MCM3AP: variants seen among roughly 807,000 people sequenced by gnomAD.
MCM3AP encodes minichromosome maintenance complex component 3 associated protein.
In MCM3AP, 126 loss-of-function variants were observed where a neutral mutation model predicts 184.1. The ratio of observed to expected loss-of-function variants is 0.68; its 90% confidence interval spans 0.59 to 0.79. The LOEUF is 0.79. MCM3AP is among the 30% of genes least tolerant of loss of function. The pLI is 0.00. For missense variants in MCM3AP, 2,496 were observed against 2,479.2 expected, an observed-to-expected ratio of 1.01 and a Z score of -0.14; for synonymous variants, 1,002 against 979.3, an observed-to-expected ratio of 1.02 and a Z score of -0.43.
intron 22 of MCM3AP, 85 bp downstream of exon 22, chr21:46,246,222 C>A: frequency 2.4e-6 from 2 of 818,106 alleles, no homozygotes; most frequent in Non-Finnish European, 2.1e-6. Flanking sequence ...ACAATGCAAA[C>A]GCTAATATAC....
chr21:46,238,808 A>G (rs142050653), intron 26 of MCM3AP, among the ~76,000 whole-genome samples: 16 of 152,360 alleles, frequency 1.1e-4, no homozygotes, highest in African/African-American at 3.4e-4. Context: ...ATATTCATTA[A>G]GCCTCCTCCA....
Position 46,285,076 on chromosome 21 carries a change from G to C in MCM3AP, c.211C>G (p.Gln71Glu). 1 of 1,614,194 alleles carries C rather than the reference G, an allele frequency of 6.2e-7. No individual in the cohort carries two copies. The highest frequency in any genetic ancestry group is 8.5e-7 in the Non-Finnish European group (1 of 1,180,030). Residue 71 changes from glutamine (Q) to glutamate (E), a missense_variant, in exon 1 of 28, where the codon CAA becomes GAA. By Grantham distance (29) the Gln-to-Glu change is conservative. Transcript: ENST00000291688. ...GAGGTTTGGGTGAACCCTAATGTTTGCACTGAAGAGGAATGACTTACTCCA... is the reference window on the plus strand; with the variant it reads ...GAGGTTTGGGTGAACCCTAATGTTTCCACTGAAGAGGAATGACTTACTCCA... ...SSGVSHSSSVQTLGFTQTSSV... is the reference protein window; with the variant it reads ...SSGVSHSSSVETLGFTQTSSV...
chr21:46,255,391 G>A (rs2080934856), intron 17 of MCM3AP, among the ~76,000 whole-genome samples: 1 of 152,070 alleles, frequency 6.6e-6, no homozygotes, highest in African/African-American at 2.4e-5. Flanking sequence ...GCCGCCGAGA[G>A]GCAACGCCAC....
At chr21:46,266,876 T>A (rs1044750870) in intron 10 of MCM3AP, 106 bp downstream of exon 10, 1 of 1,225,048 alleles carries the variant, frequency 8.2e-7, no homozygotes. Context: ...GCAGAGGGAA[T>A]GCACCTTCTT....
chr21:46,235,258 G>A lies in MCM3AP; in HGVS notation c.*10C>T. 2 of 1,614,054 alleles carry A rather than the reference G, an allele frequency of 1.2e-6. No individual in the cohort carries two copies. Among genetic ancestry groups the A allele is most frequent in the Non-Finnish European group, 8.5e-7 (1 of 1,179,940 alleles). On this transcript the variant is annotated 3_prime_UTR_variant, in exon 28 of 28. Transcript: ENST00000291688. ...TTCGGGAGAGACCCCCTCCCCACAG[G>A]TCAGGCTGCTCAAATGTCCACCATG...
At chr21:46,248,715 A>C (rs1256760803) in intron 20 of MCM3AP, among the ~76,000 whole-genome samples, 3 of 152,196 alleles carry the variant, frequency 2.0e-5, no homozygotes, top group Non-Finnish European at 4.4e-5. Context: ...ATGCATCCAA[A>C]AAATAAGATG....
rs775813374 is a variant in MCM3AP at position 46,284,594 on chromosome 21, T to C, written c.693A>G (p.Val231=). The C allele has an allele frequency of 1.2e-6, 2 of 1,614,100 alleles. No individual in the cohort carries two copies. Among genetic ancestry groups the C allele is most frequent in the African/African-American group, 2.7e-5 (2 of 74,942 alleles). Residue 231 remains valine, a synonymous_variant, in exon 1 of 28, where the codon GTA becomes GTG. Transcript: ENST00000291688. The stretch of plus-strand genomic sequence containing the variant: ...ACTTAGGTCCTCTCTTCTCTTCCTC[T>C]ACATTTTGGTTTGACAAAGCAGGGG... The part of the protein sequence containing the change: ...AFTPALSNQN[V]EEEKRGPKSI...
chr21:46,267,184 CCAGT>C (rs1251948368), intron 9 of MCM3AP, 42 bp from the exon 10 acceptor site: 2 of 1,585,770 alleles, frequency 1.3e-6, no homozygotes, highest in East Asian at 4.6e-5. Flanking sequence ...AGACGAAGGC[CCAGT>C]CAGACACATG....
At chr21:46,264,306 C>A (rs1210589245) in intron 12 of MCM3AP, 89 bp from the exon 13 acceptor site, 5 of 781,988 alleles carry the variant, frequency 6.4e-6, no homozygotes, top group Non-Finnish European at 1.0e-5. Flanking sequence ...AGTCTGCAGG[C>A]GTCTCGTGAC....
intron 25 of MCM3AP, 34 bp from the exon 26 acceptor site, chr21:46,241,051 A>G (rs2080654807): frequency 6.8e-7 from 1 of 1,475,872 alleles, no homozygotes; most frequent in South Asian, 1.1e-5. Context: ...TTTATGGTCA[A>G]GAGAAAATAT....
chr21:46,284,764 A>T lies in MCM3AP; in HGVS notation c.523T>A (p.Phe175Ile), dbSNP rs779889740. 1.9e-5 allele frequency: 30 copies of T among 1,613,536 alleles called. No individual in the cohort carries two copies. The highest frequency in any genetic ancestry group is 2.3e-5 in the Non-Finnish European group (27 of 1,179,930). The change falls in exon 1 of 28, where the codon TTT becomes ATT. Residue 175 changes from phenylalanine (F) to isoleucine (I), a missense_variant. Coordinates refer to ENST00000291688, the MANE Select transcript of MCM3AP (RefSeq NM_003906.5). ...CTAATTGGGTGGGAAAATGTAAAAA[A>T]CCCAGAAGCAATTTGGCTCTGGGTT... ...EKTQSQIASG[F>I]FTFSHPISSA... is the part of the protein sequence containing the mutation.
rs971259120 is a variant in MCM3AP, at chr21:46,243,577, T to C, written c.5184A>G (p.Pro1728=). ...YCRWKSKSPS[P]VHGAGPSVME... ...TGACCGAGGGGCCTGCCCCATGGAC[T>C]GGGGAGGGACTCTTGCTCTTCCACC... The change falls in exon 24 of 28, where the codon CCA becomes CCG. Residue 1728 remains proline, a synonymous_variant. Transcript: ENST00000291688. The C allele has an allele frequency of 2.5e-6, 4 of 1,614,222 alleles. No homozygotes were observed. The highest frequency in any genetic ancestry group is 3.4e-6 in the Non-Finnish European group (4 of 1,180,040).
chr21:46,243,496 GTC>G lies in MCM3AP; in HGVS notation c.5263_5264del (p.Asp1755LeufsTer15). On this transcript the variant is annotated frameshift_variant, in exon 24 of 28. Coordinates refer to ENST00000291688, the MANE Select transcript of MCM3AP (RefSeq NM_003906.5). LOFTEE classifies it high-confidence loss of function. ...IALCINHKLR[D>X]WTPPRLPVTS... ...TAACAGGAAGCCGGGGGGGCGTCCA[GTC>G]TCTCAGCTTGTGGTTGATACACAAG... The G allele has an allele frequency of 8.1e-6, 13 of 1,613,152 alleles. No homozygotes were observed. The highest frequency in any genetic ancestry group is 1.1e-5 in the Non-Finnish European group (13 of 1,179,242).
In MCM3AP at chr21:46,243,467, G is replaced by C. The variant is rs1358698044; in HGVS notation, c.5294C>G (p.Ser1765Ter). ...DWTPPRLPVT[S>*]EALSEDGQIC... ...CCATTGCATCAAGCTCTAATTACCTGATGTAACAGGAAGCCGGGGGGGCGT... is the reference window on the plus strand; with the variant it reads ...CCATTGCATCAAGCTCTAATTACCTCATGTAACAGGAAGCCGGGGGGGCGT... The change falls in exon 24 of 28, where the codon TCA becomes TGA. Residue 1765 changes from serine to a stop codon, truncating the protein, a stop_gained and splice_region_variant. Coordinates refer to ENST00000291688, the MANE Select transcript of MCM3AP (RefSeq NM_003906.5). LOFTEE classifies it high-confidence loss of function. 1 of 1,606,198 alleles carries C rather than the reference G, an allele frequency of 6.2e-7. No homozygotes were observed. The highest frequency in any genetic ancestry group is 1.1e-5 in the South Asian group (1 of 89,852).
chr21:46,246,693 G>C lies in MCM3AP; in HGVS notation c.4484C>G (p.Ala1495Gly). Residue 1495 changes from alanine (A) to glycine (G), a missense_variant, in exon 21 of 28, where the codon GCG becomes GGG. Around this residue, in one of 5 missense-constraint regions of MCM3AP, gnomAD observed 1,323 missense variants for 1,273.4 expected, o/e 1.04. Transcript: ENST00000291688. The part of the protein sequence containing the change: ...QLLQAKPFQP[A>G]LPLVVLVPSP... The stretch of plus-strand genomic sequence containing the variant: ...AGGCACAAGAACCACCAGAGGAAGC[G>C]CAGGCTGGAAGGGCTTAGCCTGCAG... 1 of 1,614,214 alleles carries C rather than the reference G, an allele frequency of 6.2e-7. No homozygotes were observed. The highest frequency in any genetic ancestry group is 8.5e-7 in the Non-Finnish European group (1 of 1,180,014).
Position 46,235,279 on chromosome 21 carries a change from C to T in MCM3AP, c.5932G>A (p.Val1978Met). The T allele has an allele frequency of 1.2e-6, 2 of 1,614,208 alleles. No individual in the cohort carries two copies. Among genetic ancestry groups the T allele is most frequent in the South Asian group, 1.1e-5 (1 of 91,088 alleles). Residue 1978 changes from valine to methionine, a missense_variant, in exon 28 of 28, where the codon GTG (valine) becomes ATG (methionine). Val to Met is a conservative substitution (Grantham distance 21). Around this residue, in one of 5 missense-constraint regions of MCM3AP, gnomAD observed 1,323 missense variants for 1,273.4 expected, o/e 1.04. Transcript: ENST00000291688. ...ELHLSALLDM[V>M]DI ...ACAGGTCAGGCTGCTCAAATGTCCA[C>T]CATGTCTAGCAGCGCAGAGAGATGG...
Position 46,246,749 on chromosome 21 carries a change from C to A in MCM3AP, c.4428G>T (p.Trp1476Cys), listed in dbSNP as rs1338300235. 1 of 1,614,244 alleles carries A rather than the reference C, an allele frequency of 6.2e-7. No homozygotes were observed. Among genetic ancestry groups the A allele is most frequent in the Admixed American group, 1.7e-5 (1 of 60,030 alleles). Residue 1476 changes from tryptophan (W) to cysteine (C), a missense_variant, in exon 21 of 28, where the codon TGG becomes TGT. Trp to Cys is a radical substitution (Grantham distance 215, BLOSUM62 -2). This residue lies in a region of MCM3AP where 1,323 missense variants were observed against 1,273.4 expected (regional missense o/e 1.04). Coordinates refer to ENST00000291688, the MANE Select transcript of MCM3AP (RefSeq NM_003906.5). ...SEDMAEEDVYWLSALLQLKQL... is the reference protein window; with the variant it reads ...SEDMAEEDVYCLSALLQLKQL... ...GCTTGAGCTGCAGCAAGGCCGACAG[C>A]CAGTACACGTCCTCCTCTGCCATGT...
chr21:46,267,149 G>C lies in MCM3AP; in HGVS notation c.2629-7C>G. ...GGAGAGCATCCTTGCGGATCTGAGA[G>C]GAGGAGCGAAATCACTGCAGTCTCA... is the stretch of plus-strand genomic sequence containing the variant. On this transcript the variant is annotated splice_polypyrimidine_tract_variant and splice_region_variant and intron_variant, in intron 9 of 27. Coordinates refer to ENST00000291688, the MANE Select transcript of MCM3AP (RefSeq NM_003906.5). 6.2e-7 allele frequency: 1 copy of C among 1,612,432 alleles called. No individual in the cohort carries two copies. The highest frequency in any genetic ancestry group is 1.1e-5 in the South Asian group (1 of 90,690).
At chr21:46,280,887 T>C (rs2081323589) in intron 2 of MCM3AP, among the ~76,000 whole-genome samples, 1 of 151,856 alleles carries the variant, frequency 6.6e-6, no homozygotes, top group Admixed American at 6.6e-5. Flanking sequence ...CTTACTGCAA[T>C]CTCCACCTTC....
Sources: gnomAD v4.1 joint callset for allele counts (sites outside exome capture counted in the v4.1 genomes callset) on GRCh38, gnomAD v4.1.1 for gene constraint, gnomAD v4.1.1 regional missense constraint, MANE v1.5 for transcripts, NCBI Gene and HGNC (gene_info 2026-07-23, HGNC 2026-07-21) for gene names.